CAST: variants seen among roughly 807,000 people sequenced by gnomAD.
CAST encodes MIR583 host.
CAST carries 76 observed loss-of-function variants against 119.6 expected under a neutral mutation model. The ratio of observed to expected loss-of-function variants is 0.64; its 90% CI spans 0.53 to 0.77. The LOEUF (loss-of-function observed/expected upper bound fraction) is 0.77, where lower values mean the gene tolerates loss of function less well. CAST is among the 30% of genes least tolerant of loss of function. The pLI, the probability that CAST is intolerant of heterozygous loss-of-function variation, is 0.00. For synonymous variants in CAST, 319 were observed against 331.6 expected (o/e 0.96, Z 0.41); for missense variants, 953 against 946.5 (o/e 1.01, Z -0.09).
At chr5:95,987,399 G>T in the CAST span, among the ~76,000 whole-genome samples, 1 of 152,104 alleles carries the variant, frequency 6.6e-6, no homozygotes, top group Non-Finnish European at 1.5e-5. Flanking sequence ...AGAATAGGGG[G>T]CGTCAGTCAA....
At chr5:96,538,970 T>A (rs1745868005) in intron 1 of CAST, among the ~76,000 whole-genome samples, 1 of 152,210 alleles carries the variant, frequency 6.6e-6, no homozygotes, top group Admixed American at 6.5e-5. Flanking sequence ...TAGCAGCATA[T>A]CACTCTGAAT....
At chr5:96,076,102 A>AAG in the CAST span, among the ~76,000 whole-genome samples, 1 of 152,264 alleles carries the variant, frequency 6.6e-6, no homozygotes, top group African/African-American at 2.4e-5. Flanking sequence ...GCCCTAGGTC[A>AAG]AGATGGTCTG....
chr5:96,117,633 C>A, the CAST span, among the ~76,000 whole-genome samples: 1 of 152,110 alleles, frequency 6.6e-6, no homozygotes, highest in African/African-American at 2.4e-5. Flanking sequence ...ATGTTTGAAG[C>A]AAAGTTAACT....
At chr5:96,361,415 CA>C in the CAST span, among the ~76,000 whole-genome samples, 1 of 152,200 alleles carries the variant, frequency 6.6e-6, no homozygotes, top group Non-Finnish European at 1.5e-5. Flanking sequence ...AGTGTCTGCC[CA>C]AATGGCTGCC....
chr5:96,419,326 T>A, the CAST span, among the ~76,000 whole-genome samples: 1 of 147,128 alleles, frequency 6.8e-6, no homozygotes, highest in Non-Finnish European at 1.5e-5. Context: ...TATATATATA[T>A]AAAACCTCAC....
At chr5:96,675,738 G>T in intron 2 of CAST, 137 bp downstream of exon 2, 4 of 616,610 alleles carry the variant, frequency 6.5e-6, no homozygotes, top group Non-Finnish European at 1.1e-5. Flanking sequence ...CCAAGATTTG[G>T]TTCAAGAATA....
chr5:96,084,529 TTCTA>T, the CAST span, among the ~76,000 whole-genome samples: 1 of 152,250 alleles, frequency 6.6e-6, no homozygotes. Flanking sequence ...AATTCACTGA[TTCTA>T]TCAGTTACCA....
the CAST span, among the ~76,000 whole-genome samples, chr5:96,111,299 A>G: frequency 2.0e-5 from 3 of 152,222 alleles, no homozygotes; most frequent in Non-Finnish European, 4.4e-5. Flanking sequence ...GAACTTCTGT[A>G]TCCGTGGAAT....
intron 3 of CAST, among the ~76,000 whole-genome samples, chr5:96,712,364 C>T (rs1756341206): frequency 6.6e-6 from 1 of 152,144 alleles, no homozygotes; most frequent in South Asian, 2.1e-4. Flanking sequence ...TGGGGTCTTG[C>T]TCTGTCACTT....
At chr5:96,387,692 A>G in the CAST span, among the ~76,000 whole-genome samples, 1 of 152,200 alleles carries the variant, frequency 6.6e-6, no homozygotes, top group Non-Finnish European at 1.5e-5. Flanking sequence ...TATGCATGAT[A>G]TGTGGGGAGC....
chr5:96,609,791 T>A (rs1747326267), intron 1 of CAST, among the ~76,000 whole-genome samples: 1 of 152,012 alleles, frequency 6.6e-6, no homozygotes, highest in African/African-American at 2.4e-5. Context: ...TTTCTATCCT[T>A]TTAATTTAAA....
At chr5:96,456,686 C>T in the CAST span, among the ~76,000 whole-genome samples, 1 of 152,304 alleles carries the variant, frequency 6.6e-6, no homozygotes, top group Admixed American at 6.5e-5. Context: ...TTCTTGGCCT[C>T]CTTGGGCTTC....
the CAST span, among the ~76,000 whole-genome samples, chr5:96,051,650 G>A: frequency 2.6e-5 from 4 of 152,200 alleles, no homozygotes; most frequent in Admixed American, 1.3e-4. Context: ...AGGGGAGACC[G>A]TCAATGACTC....
chr5:96,092,037 GATGAATGA>G, the CAST span, among the ~76,000 whole-genome samples: 3 of 152,132 alleles, frequency 2.0e-5, no homozygotes, highest in Admixed American at 6.5e-5. Context: ...ATAAATGAGT[GATGAATGA>G]ATGAATGAAA....
At chr5:96,399,296 C>A in the CAST span, among the ~76,000 whole-genome samples, 2 of 152,104 alleles carry the variant, frequency 1.3e-5, no homozygotes, top group African/African-American at 4.8e-5. Flanking sequence ...CATCAAAAAG[C>A]CCCTCTTAAG....
chr5:96,333,164 C>G, the CAST span, among the ~76,000 whole-genome samples: 1 of 151,296 alleles, frequency 6.6e-6, no homozygotes. Context: ...AAGCGGTGAC[C>G]CAGTTAACAG....
intron 1 of CAST, among the ~76,000 whole-genome samples, chr5:96,580,175 T>C (rs1172691272): frequency 6.6e-6 from 1 of 152,224 alleles, no homozygotes; most frequent in Non-Finnish European, 1.5e-5. Flanking sequence ...ATGGGACTAA[T>C]CTGGTGCCCT....
At chr5:96,488,698 G>T in the CAST span, among the ~76,000 whole-genome samples, 1 of 152,202 alleles carries the variant, frequency 6.6e-6, no homozygotes, top group Non-Finnish European at 1.5e-5. Context: ...GTATGCAAAT[G>T]CACCACGAGT....
chr5:96,154,600 A>T, the CAST span, among the ~76,000 whole-genome samples: 2 of 152,222 alleles, frequency 1.3e-5, no homozygotes, highest in African/African-American at 4.8e-5. Context: ...TCCGGGATCC[A>T]TCCAGGATAC....
Sources: allele counts gnomAD v4.1 joint callset (sites outside exome capture counted in the v4.1 genomes callset), GRCh38; gene constraint gnomAD v4.1.1; transcripts MANE v1.5; gene names NCBI Gene and HGNC (gene_info 2026-07-23, HGNC 2026-07-21).